RND3: variants seen among roughly 807,000 people sequenced by gnomAD.
RND3 encodes the protein rho-related GTP-binding protein RhoE.
RND3 carries 8 observed loss-of-function variants against 26.5 expected under a neutral mutation model. The ratio of observed to expected loss-of-function variants is 0.30; its 90% CI spans 0.18 to 0.54. RND3 has a LOEUF of 0.54. Among genes scored for constraint, RND3 ranks in the 20% least tolerant of loss-of-function variants. The pLI, the probability that RND3 is intolerant of heterozygous loss-of-function variation, is 0.94. For synonymous variants in RND3, 113 were observed against 113.0 expected (o/e 1.00, Z 0.00); for missense variants, 207 against 302.8 (o/e 0.68, Z 2.35).
chr2:150,474,258 A>G (rs1433056041), intron 4 of RND3, among the ~76,000 whole-genome samples: 1 of 152,100 alleles, frequency 6.6e-6, no homozygotes, highest in African/African-American at 2.4e-5. Flanking sequence ...TTCCTACGGA[A>G]CCTGACTTAC....
intron 3 of RND3, among the ~76,000 whole-genome samples, chr2:150,477,271 C>T (rs1034666914): frequency 2.0e-5 from 3 of 152,126 alleles, no homozygotes; most frequent in African/African-American, 7.2e-5. Flanking sequence ...AGGTGCCTAC[C>T]AGCTCCTTTC....
chr2:150,487,470 A>ATATATAT lies in RND3; in HGVS notation c.-38-16_-38-15insATATATA, dbSNP rs1236158055. On this transcript the variant is annotated splice_polypyrimidine_tract_variant and intron_variant, in intron 1 of 5. Coordinates refer to ENST00000263895, the MANE Select transcript of RND3 (RefSeq NM_005168.5). ...AGGAATTTTCTCTTAAGAAGAAAAA[A>ATATATAT]AAAAATATATATATATATATATATT... 25 of 402,434 alleles carry ATATATAT rather than the reference A, an allele frequency of 6.2e-5. No individual in the cohort carries two copies. In the African/African-American group the frequency reaches 7.0e-4, roughly 11 times the overall value. The allele number at this position is 402,434 out of a possible 1,614,324, so 24.9% of individuals were successfully genotyped here. A position where few individuals can be genotyped will look rare whatever the true frequency, so the allele number is the denominator to read the frequency against.
rs775472721 is a variant in RND3, at chr2:150,468,959, G to A, written c.*1028C>T. On this transcript the variant is annotated 3_prime_UTR_variant, in exon 6 of 6. Transcript: ENST00000263895. The stretch of plus-strand genomic sequence containing the variant: ...ATAAACCAACAGATTATCAGATGCT[G>A]TCAGTTTTGGAGCTTCAACCCAAAA... 2.0e-5 allele frequency: 3 copies of A among 152,596 alleles called. No homozygotes were observed. The highest frequency in any genetic ancestry group is 4.4e-5 in the Non-Finnish European group (3 of 68,022). 9.5% of individuals were successfully genotyped at this position (152,596 alleles called of 1,614,324 possible).
At chr2:150,478,692 A>G (rs1357795175) in intron 3 of RND3, among the ~76,000 whole-genome samples, 1 of 151,978 alleles carries the variant, frequency 6.6e-6, no homozygotes, top group East Asian at 1.9e-4. Context: ...GGGCTCAACA[A>G]TTTTTACTAA....
At chr2:150,487,029 C>G (rs866569512) in intron 2 of RND3, 2 of 603,792 alleles carry the variant, frequency 3.3e-6, no homozygotes, top group Non-Finnish European at 5.9e-6. Flanking sequence ...CACACAGGAA[C>G]GAACAAGTTT....
At chr2:150,470,924 C>T (rs186042850) in intron 5 of RND3, among the ~76,000 whole-genome samples, 6 of 152,124 alleles carry the variant, frequency 3.9e-5, no homozygotes, top group African/African-American at 7.2e-5. Flanking sequence ...TACTTAGGGC[C>T]GAAATGCGTT....
Position 150,474,616 on chromosome 2 carries a change from G to A in RND3, c.348+259C>T, listed in dbSNP as rs958404018. On this transcript the variant is annotated intron_variant, in intron 4 of 5. Transcript: ENST00000263895. ...TAATCAAATATAACTGTTGTTAGCT[G>A]TACCATTTTTCTCCCAAAGGACAAA... Among the ~76,000 whole-genome samples, 63 of 152,154 alleles carry A rather than the reference G, an allele frequency of 4.1e-4. 1 individual carries two copies. The highest frequency in any genetic ancestry group is 1.5e-3 in the African/African-American group (62 of 41,444).
At chr2:150,470,643 G>A (rs762586161) in intron 5 of RND3, among the ~76,000 whole-genome samples, 6 of 152,160 alleles carry the variant, frequency 3.9e-5, no homozygotes, top group Admixed American at 2.0e-4. Flanking sequence ...GGTTATTCAG[G>A]TTTTCCAGGG....
chr2:150,484,670 C>T (rs528963714), intron 3 of RND3, among the ~76,000 whole-genome samples: 1 of 152,240 alleles, frequency 6.6e-6, no homozygotes, highest in South Asian at 2.1e-4. Flanking sequence ...GCCTGTCCAG[C>T]GTAATAAAGC....
chr2:150,478,831 A>C (rs1428791025), intron 3 of RND3, among the ~76,000 whole-genome samples: 1 of 152,128 alleles, frequency 6.6e-6, no homozygotes, highest in African/African-American at 2.4e-5. Context: ...TGTCAAATGA[A>C]ACTCTTTTTC....
intron 3 of RND3, among the ~76,000 whole-genome samples, chr2:150,476,700 A>T (rs1183956471): frequency 2.0e-5 from 3 of 152,190 alleles, no homozygotes; most frequent in African/African-American, 7.2e-5. Flanking sequence ...AAGTCATTTT[A>T]AGTATGAAGG....
Position 150,471,623 on chromosome 2 carries a change from A to T in RND3, c.483+4T>A. On this transcript the variant is annotated splice_donor_region_variant and intron_variant, in intron 5 of 5. Transcript: ENST00000263895. The stretch of plus-strand genomic sequence containing the variant: ...CCAGTTTTGCACATGGGCAACATAC[A>T]TACCTGGTCATAGGACACTGGCGTC... The T allele has an allele frequency of 6.2e-7, 1 of 1,605,214 alleles. No individual in the cohort carries two copies. Among genetic ancestry groups the T allele is most frequent in the Non-Finnish European group, 8.5e-7 (1 of 1,176,974 alleles).
At position 150,486,649 on chromosome 2, in the gene RND3, G is replaced by T; in HGVS notation, c.238+45C>A. 2 of 1,367,528 alleles carry T rather than the reference G, an allele frequency of 1.5e-6. No individual in the cohort carries two copies. The highest frequency in any genetic ancestry group is 2.3e-5 in the South Asian group (2 of 86,104). 84.7% of individuals were successfully genotyped at this position (1,367,528 alleles called of 1,614,324 possible). A position where few individuals can be genotyped will look rare whatever the true frequency, so the allele number is the denominator to read the frequency against. On this transcript the variant is annotated intron_variant, in intron 3 of 5. Transcript: ENST00000263895. This position sits in a 1 kb window ranked among gnomAD's most constrained non-coding sequence, Gnocchi z 4.5. ...CGAGACCCGCCGCGCATCCCCCAGC[G>T]ACTGGAAACCCGCCCCAAGCGCCAC...
In RND3 at chr2:150,471,777, A is replaced by G; in HGVS notation, c.349-16T>C. 3 of 1,591,600 alleles carry G rather than the reference A, an allele frequency of 1.9e-6. No individual in the cohort carries two copies. The highest frequency in any genetic ancestry group is 1.7e-6 in the Non-Finnish European group (2 of 1,164,652). ...CACCTTTCCACTATGAAAGAAAAAA[A>G]AAAAAGATTAAAAATGAACAAAGTA... On this transcript the variant is annotated splice_polypyrimidine_tract_variant and intron_variant, in intron 4 of 5. Coordinates refer to ENST00000263895, the MANE Select transcript of RND3 (RefSeq NM_005168.5).
intron 3 of RND3, among the ~76,000 whole-genome samples, chr2:150,482,954 G>T (rs1042415584): frequency 1.3e-5 from 2 of 152,114 alleles, no homozygotes; most frequent in African/African-American, 4.8e-5. Flanking sequence ...CTGCTTCTTA[G>T]GAGCAGGACC....
At chr2:150,474,047 A>T (rs1686126454) in intron 4 of RND3, among the ~76,000 whole-genome samples, 1 of 152,146 alleles carries the variant, frequency 6.6e-6, no homozygotes. Flanking sequence ...GAAAATAGCT[A>T]GTGGCTAATA....
intron 3 of RND3, among the ~76,000 whole-genome samples, chr2:150,476,846 T>C (rs1211384572): frequency 6.6e-5 from 10 of 152,202 alleles, no homozygotes; most frequent in Admixed American, 5.2e-4. Context: ...AGAAACGAGA[T>C]GGTTGAACAC....
Position 150,487,392 on chromosome 2 carries a change from TTC to T in RND3, c.24_25del (p.Lys9IlefsTer10). The T allele has an allele frequency of 6.5e-7, 1 of 1,541,226 alleles. No individual in the cohort carries two copies. ...ATCCATGATAGATTTGCTGGATAAT[TTC>T]TGGCTGGCTCTTCTCTCCTTCATTG... On this transcript the variant is annotated frameshift_variant, in exon 2 of 6. Transcript: ENST00000263895. LOFTEE classifies it high-confidence loss of function.
rs1251632260 is a variant in RND3 at position 150,470,010 on chromosome 2, C to T, written c.712G>A (p.Ala238Thr). ...ATTCACATCACAGTGCAGCTCTTCG[C>T]TTTGTCCTTTCGTAAGTCCGTAGCA... ...AVATDLRKDK[A>T]KSCTVM The change falls in exon 6 of 6, where the codon GCG becomes ACG. Residue 238 changes from alanine to threonine, a missense_variant. Physicochemically the swap from Ala to Thr is moderately conservative, Grantham distance 58 (BLOSUM62 0). Coordinates refer to ENST00000263895, the MANE Select transcript of RND3 (RefSeq NM_005168.5). The T allele has an allele frequency of 6.2e-7, 1 of 1,613,982 alleles. No homozygotes were observed. The highest frequency in any genetic ancestry group is 1.7e-5 in the Admixed American group (1 of 59,968).
Sources: gnomAD v4.1 joint callset for allele counts (sites outside exome capture counted in the v4.1 genomes callset) on GRCh38, gnomAD v4.1.1 for gene constraint, Gnocchi (gnomAD v3.1) non-coding constraint, MANE v1.5 for transcripts, NCBI Gene and HGNC (gene_info 2026-07-23, HGNC 2026-07-21) for gene names.